The following HIGD1C variants were observed in gnomAD, a reference collection of about 807,000 sequenced individuals.
The protein encoded by HIGD1C is HIG1 hypoxia inducible domain family member 1C.
Under a neutral mutation model 13.1 loss-of-function variants are expected in HIGD1C, and 11 were observed. The observed-to-expected ratio is 0.84, with a 90% CI of 0.53 to 1.39. The LOEUF (loss-of-function observed/expected upper bound fraction) is 1.39, where lower values mean the gene tolerates loss of function less well. Among genes scored for constraint, HIGD1C ranks in the 40% most tolerant of loss-of-function variants. HIGD1C has a pLI of 0.00. For missense variants in HIGD1C, 110 were observed against 112.0 expected (o/e 0.98, Z 0.08); for synonymous variants, 36 against 37.7 (o/e 0.95, Z 0.17).
At chr12:50,961,099 C>G in exon 2 of HIGD1C, 1 of 1,613,612 alleles carries the variant, frequency 6.2e-7, no homozygotes, top group South Asian at 1.1e-5. Context: ...AGCTGTGACT[C>G]TAGGTAACCC....
At chr12:50,963,243 G>A (rs1008882214) in intron 2 of HIGD1C, among the ~76,000 whole-genome samples, 1 of 151,656 alleles carries the variant, frequency 6.6e-6, no homozygotes, top group Non-Finnish European at 1.5e-5. Context: ...AGTGGTGCAT[G>A]CCTGTAATCC....
intron 1 of HIGD1C, among the ~76,000 whole-genome samples, chr12:50,958,170 A>C (rs1456787743): frequency 6.6e-6 from 1 of 152,058 alleles, no homozygotes; most frequent in African/African-American, 2.4e-5. Flanking sequence ...AAGTTTATCT[A>C]CAGGCTTAAT....
intron 2 of HIGD1C, among the ~76,000 whole-genome samples, chr12:50,962,455 T>C (rs1565959882): frequency 6.6e-6 from 1 of 151,290 alleles, no homozygotes; most frequent in Non-Finnish European, 1.5e-5. Context: ...ATCCCAGCAC[T>C]TTGGGAGGCC....
upstream of HIGD1C, among the ~76,000 whole-genome samples, chr12:50,951,886 C>CACTCCA (rs1054031366): frequency 1.1e-4 from 16 of 145,212 alleles, no homozygotes; most frequent in Non-Finnish European, 1.5e-4. Context: ...TGCGCCATCA[C>CACTCCA]ACTCCAGCCA....
In HIGD1C at chr12:50,954,221, G is replaced by C. The variant is rs562048484; in HGVS notation, c.94+129G>C. 6.8e-5 allele frequency: 40 copies of C among 585,176 alleles called. No homozygotes were observed. The African/African-American group carries it at 7.1e-4, about 10-fold the overall frequency. The allele number at this position is 585,176 out of a possible 1,614,324, so 36.2% of individuals were successfully genotyped here. On this transcript the variant is annotated intron_variant, in intron 1 of 2. Transcript: ENST00000398455. ...GATAATTGAAGCTAACCTCCTCTAA[G>C]CATGTGTTGAACTTTCAGAATAGTT...
intron 2 of HIGD1C, 66 bp downstream of exon 4, chr12:50,961,168 T>C (rs1029382588): frequency 2.5e-5 from 37 of 1,499,788 alleles, no homozygotes; most frequent in Non-Finnish European, 3.0e-5. Context: ...ATTTTATTCA[T>C]TCATAGTAGA....
In HIGD1C at chr12:50,961,119, G is replaced by T; in HGVS notation, c.229+17G>T. On this transcript the variant is annotated intron_variant, in intron 2 of 2. Transcript: ENST00000398455. ...TGACTCTAGGTAACCCGCTTAATTT[G>T]TATCTTATGTTCAGCTGTCTTTGAG... 1.2e-6 allele frequency: 2 copies of T among 1,612,474 alleles called. No homozygotes were observed. The highest frequency in any genetic ancestry group is 1.1e-5 in the South Asian group (1 of 90,844).
downstream of HIGD1C, among the ~76,000 whole-genome samples, chr12:50,972,557 A>G (rs928264769): frequency 2.6e-5 from 4 of 152,246 alleles, no homozygotes; most frequent in African/African-American, 9.6e-5. Context: ...TACAGCTCCC[A>G]GCATGAGCGA....
At chr12:50,940,966 T>C in the HIGD1C span, among the ~76,000 whole-genome samples, 3 of 151,936 alleles carry the variant, frequency 2.0e-5, no homozygotes, top group East Asian at 5.9e-4. Context: ...CACCTTAACT[T>C]CCCAAGTAGC....
At chr12:50,962,776 G>A (rs1356422603) in intron 2 of HIGD1C, among the ~76,000 whole-genome samples, 2 of 152,120 alleles carry the variant, frequency 1.3e-5, no homozygotes, top group Non-Finnish European at 2.9e-5. Context: ...GGAGGCCAGA[G>A]GAGGCTTCTT....
chr12:50,959,211 C>T (rs1398991682), intron 1 of HIGD1C, among the ~76,000 whole-genome samples: 1 of 152,034 alleles, frequency 6.6e-6, no homozygotes, highest in Non-Finnish European at 1.5e-5. Context: ...CCTCTGCCTC[C>T]CGGGTTCAAG....
At chr12:50,939,612 G>A in the HIGD1C span, among the ~76,000 whole-genome samples, 1 of 152,164 alleles carries the variant, frequency 6.6e-6, no homozygotes, top group African/African-American at 2.4e-5. Flanking sequence ...GAGGTTTGGA[G>A]TCAGAATATT....
chr12:50,961,949 C>T (rs1939345936), intron 2 of HIGD1C, among the ~76,000 whole-genome samples: 1 of 152,182 alleles, frequency 6.6e-6, no homozygotes, highest in African/African-American at 2.4e-5. Context: ...CATCATTCAG[C>T]AAACATTGAT....
chr12:50,970,359 TTTCATAAAAATACAACAAGTGGA>T (rs1939717855), intron 2 of HIGD1C, 60 bp from the exon 5 acceptor site: 1 of 781,980 alleles, frequency 1.3e-6, no homozygotes, highest in Non-Finnish European at 2.2e-6. Context: ...TGTGGGCTAG[TTTCATAAAAATACAACAAGTGGA>T]AGAAATTCAG....
chr12:50,946,297 T>C, the HIGD1C span, among the ~76,000 whole-genome samples: 1 of 152,168 alleles, frequency 6.6e-6, no homozygotes, highest in East Asian at 1.9e-4. Context: ...ACAAGCAACC[T>C]ACAGAATGGG....
At chr12:50,946,465 C>A in the HIGD1C span, among the ~76,000 whole-genome samples, 2 of 152,074 alleles carry the variant, frequency 1.3e-5, no homozygotes, top group Non-Finnish European at 2.9e-5. Context: ...ATGCAGCCAA[C>A]AGACACATGA....
chr12:50,959,386 C>T (rs1224432418), intron 1 of HIGD1C, among the ~76,000 whole-genome samples: 2 of 152,124 alleles, frequency 1.3e-5, no homozygotes, highest in Non-Finnish European at 2.9e-5. Context: ...TCCCAAAGTG[C>T]TGGGATTATA....
intron 1 of HIGD1C, among the ~76,000 whole-genome samples, chr12:50,956,527 T>A (rs1939103056): frequency 1.3e-5 from 2 of 152,244 alleles, no homozygotes; most frequent in Non-Finnish European, 2.9e-5. Context: ...TTGTTGGTTA[T>A]CTTAAGCAAC....
intron 2 of HIGD1C, among the ~76,000 whole-genome samples, chr12:50,968,395 G>T (rs71445770): frequency 0.15 from 22,335 of 151,196 alleles, 1,871 homozygotes; most frequent in South Asian, 0.26. Context: ...TTTTTTGTGT[G>T]TGTGTGGGGG....
Sources: allele counts gnomAD v4.1 joint callset (sites outside exome capture counted in the v4.1 genomes callset), GRCh38; gene constraint gnomAD v4.1.1; transcripts MANE v1.5; gene names NCBI Gene and HGNC (gene_info 2026-07-23, HGNC 2026-07-21).